Variants in SNTA1 observed in about 807,000 individuals in gnomAD.
SNTA1 encodes the protein alpha-1-syntrophin.
Under a neutral mutation model 47.1 loss-of-function variants are expected in SNTA1, and 31 were observed. The observed-to-expected ratio is 0.66, with a 90% CI of 0.49 to 0.89. The LOEUF (loss-of-function observed/expected upper bound fraction) is 0.89. SNTA1 is among the 40% of genes least tolerant of loss of function. SNTA1 has a pLI of 0.00. For missense variants in SNTA1, 575 were observed against 693.0 expected (o/e 0.83, Z 1.91); for synonymous variants, 300 against 313.6 (o/e 0.96, Z 0.46).
At chr20:33,431,672 C>T (rs1428978055) in intron 2 of SNTA1, among the ~76,000 whole-genome samples, 1 of 152,008 alleles carries the variant, frequency 6.6e-6, no homozygotes, top group East Asian at 1.9e-4. Flanking sequence ...TCGCTTGAAC[C>T]AGGGAGGTGG....
intron 5 of SNTA1, among the ~76,000 whole-genome samples, chr20:33,412,026 C>G (rs1384549166): frequency 6.6e-6 from 1 of 152,240 alleles, no homozygotes; most frequent in Non-Finnish European, 1.5e-5. Context: ...GAGGCAGAAA[C>G]TGTTGGGGTC....
chr20:33,424,974 G>A (rs780469371), intron 2 of SNTA1, among the ~76,000 whole-genome samples: 77 of 152,132 alleles, frequency 5.1e-4, no homozygotes, highest in Non-Finnish European at 8.5e-4. Context: ...AAATTAGCCA[G>A]AAGTGGTGGC....
Position 33,408,882 on chromosome 20 carries a change from G to T in SNTA1, c.1244C>A (p.Thr415Lys), listed in dbSNP as rs533902889. 4 of 1,613,758 alleles carry T rather than the reference G, an allele frequency of 2.5e-6. No individual in the cohort carries two copies. Among genetic ancestry groups the T allele is most frequent in the East Asian group, 2.2e-5 (1 of 44,874 alleles). ...CAGGCTGCAGGGACGCCCATTCCAC[G>T]TGCAGGCTGCAGGGAGGGCACATAG... ...EGVQEVSTAC[T>K]WNGRPCSLSV... Residue 415 changes from threonine (T) to lysine (K), a missense_variant, in exon 7 of 8, where the codon ACG becomes AAG. Physicochemically the swap from Thr to Lys is moderately conservative, Grantham distance 78. Transcript: ENST00000217381.
Position 33,408,786 on chromosome 20 carries a change from C to T in SNTA1, c.1340G>A (p.Arg447Gln), listed in dbSNP as rs752729935. Residue 447 changes from arginine (R) to glutamine (Q), a missense_variant, in exon 7 of 8, where the codon CGA (arginine) becomes CAA (glutamine). Coordinates refer to ENST00000217381, the MANE Select transcript of SNTA1 (RefSeq NM_003098.3). ...EPGAARAVLL[R>Q]QPFEKLQMSS... is the part of the protein sequence containing the mutation. Reference sequence around the variant, plus strand: ...CATCTGCAGCTTCTCGAAGGGCTGTCGCAGGAGCACAGCTCGGGCTGCACC... The same window carrying T: ...CATCTGCAGCTTCTCGAAGGGCTGTTGCAGGAGCACAGCTCGGGCTGCACC... 2.2e-5 allele frequency: 36 copies of T among 1,613,976 alleles called. No individual in the cohort carries two copies. The highest frequency in any genetic ancestry group is 6.7e-5 in the African/African-American group (5 of 74,940).
At chr20:33,435,316 G>A (rs938492457) in intron 2 of SNTA1, among the ~76,000 whole-genome samples, 2 of 151,084 alleles carry the variant, frequency 1.3e-5, no homozygotes, top group African/African-American at 4.9e-5. Context: ...AGTTTCTGTA[G>A]GCCAGGCATG....
rs770142548 is a variant in SNTA1 at position 33,410,101 on chromosome 20, A to G, written c.1237+34T>C. On this transcript the variant is annotated intron_variant, in intron 6 of 7. Transcript: ENST00000217381. ...TGCCCCTGGGGATAAGAGGCTTATT[A>G]CCAGAGGGACACTCCCAGATCCTCC... is the stretch of plus-strand genomic sequence containing the variant. 15 of 1,608,358 alleles carry G rather than the reference A, an allele frequency of 9.3e-6. No homozygotes were observed. In the East Asian group the frequency reaches 3.3e-4, roughly 36 times the overall value.
chr20:33,423,353 A>T (rs867458045), intron 2 of SNTA1, among the ~76,000 whole-genome samples: 1 of 152,172 alleles, frequency 6.6e-6, no homozygotes, highest in African/African-American at 2.4e-5. Context: ...TTTCTGCCTG[A>T]GTCACCCGAC....
At chr20:33,422,738 G>A (rs962560387) in intron 2 of SNTA1, among the ~76,000 whole-genome samples, 1 of 152,192 alleles carries the variant, frequency 6.6e-6, no homozygotes, top group Non-Finnish European at 1.5e-5. Context: ...GCTATAGTCA[G>A]CCTGGATAAC....
At chr20:33,429,754 T>C (rs1412997584) in intron 2 of SNTA1, among the ~76,000 whole-genome samples, 2 of 152,156 alleles carry the variant, frequency 1.3e-5, no homozygotes, top group Non-Finnish European at 1.5e-5. Flanking sequence ...GCTGGAATTA[T>C]AGGCATGAGC....
Position 33,414,454 on chromosome 20 carries a change from C to T in SNTA1, c.702-1672G>A, listed in dbSNP as rs539176312. ...CTAAAAACACAAAAAATTAGCCAGACGTCATGGCGGGCACCTGTGGTCCCA... is the reference window on the plus strand; with the variant it reads ...CTAAAAACACAAAAAATTAGCCAGATGTCATGGCGGGCACCTGTGGTCCCA... On this transcript the variant is annotated intron_variant, in intron 3 of 7. Transcript: ENST00000217381. Among the ~76,000 whole-genome samples the T allele has an allele frequency of 5.3e-5, 8 of 151,156 alleles. No homozygotes were observed. The East Asian group carries it at 5.9e-4, about 11-fold the overall frequency.
Position 33,425,199 on chromosome 20 carries a change from C to G in SNTA1, c.497-7276G>C, listed in dbSNP as rs530668115. Among the ~76,000 whole-genome samples, 3 of 151,970 alleles carry G rather than the reference C, an allele frequency of 2.0e-5. No homozygotes were observed. In the East Asian group the frequency reaches 5.8e-4, roughly 29 times the overall value. ...GGCTGAGATGGGAGGATCACTTGAG[C>G]CAGGGAGGTCAAGGCTGCTATGATC... On this transcript the variant is annotated intron_variant, in intron 2 of 7. Coordinates refer to ENST00000217381, the MANE Select transcript of SNTA1 (RefSeq NM_003098.3).
At chr20:33,429,780 C>T (rs925872888) in intron 2 of SNTA1, among the ~76,000 whole-genome samples, 1 of 151,236 alleles carries the variant, frequency 6.6e-6, no homozygotes, top group Admixed American at 6.6e-5. Context: ...ATTTTTTTTT[C>T]GAGACAGGGT....
Position 33,438,853 on chromosome 20 carries a change from C to A in SNTA1, c.484G>T (p.Val162Leu). Residue 162 changes from valine to leucine, a missense_variant, in exon 2 of 8, where the codon GTG (valine) becomes TTG (leucine). Val to Leu is a conservative substitution (Grantham distance 32). Coordinates refer to ENST00000217381, the MANE Select transcript of SNTA1 (RefSeq NM_003098.3). ...CGTCAGTGCTTACCCTCCAGCACCA[C>A]CTCCTTGCCTGTCTTCTTGAGGACC... ...VQVLKKTGKE[V>L]VLEVKYMKDV... 1 of 1,613,898 alleles carries A rather than the reference C, an allele frequency of 6.2e-7. No individual in the cohort carries two copies. The highest frequency in any genetic ancestry group is 1.1e-5 in the South Asian group (1 of 91,076).
chr20:33,424,855 G>A (rs932864880), intron 2 of SNTA1, among the ~76,000 whole-genome samples: 5 of 151,176 alleles, frequency 3.3e-5, no homozygotes, highest in African/African-American at 1.2e-4. Context: ...AGTGGCTCGT[G>A]CCTGTAATCC....
At chr20:33,410,525 G>A (rs146981593) in intron 5 of SNTA1, among the ~76,000 whole-genome samples, 194 bp from the exon 6 acceptor site, 26 of 152,324 alleles carry the variant, frequency 1.7e-4, no homozygotes, top group African/African-American at 6.3e-4. Context: ...CCTTGGCTCT[G>A]GCTATACTGG....
chr20:33,434,560 A>G (rs1006019596), intron 2 of SNTA1, among the ~76,000 whole-genome samples: 3 of 152,186 alleles, frequency 2.0e-5, no homozygotes, highest in African/African-American at 7.2e-5. Flanking sequence ...TCCTGGGATG[A>G]TACACATGTT....
At chr20:33,427,339 A>G (rs1292854704) in intron 2 of SNTA1, among the ~76,000 whole-genome samples, 1 of 152,112 alleles carries the variant, frequency 6.6e-6, no homozygotes, top group Non-Finnish European at 1.5e-5. Context: ...ATGGGCACTG[A>G]TATGTCAACC....
intron 2 of SNTA1, among the ~76,000 whole-genome samples, chr20:33,435,936 T>A (rs1990430197): frequency 6.6e-6 from 1 of 151,824 alleles, no homozygotes; most frequent in Non-Finnish European, 1.5e-5. Flanking sequence ...GGCTCACGCG[T>A]GTAATCCCAG....
At chr20:33,442,415 C>T (rs1422188149) in intron 1 of SNTA1, among the ~76,000 whole-genome samples, 1 of 152,160 alleles carries the variant, frequency 6.6e-6, no homozygotes, top group Non-Finnish European at 1.5e-5. Flanking sequence ...GTGAACCCAG[C>T]AGCTGGGGGT....
Sources: gnomAD v4.1 joint callset for allele counts (sites outside exome capture counted in the v4.1 genomes callset) on GRCh38, gnomAD v4.1.1 for gene constraint, MANE v1.5 for transcripts, NCBI Gene and HGNC (gene_info 2026-07-23, HGNC 2026-07-21) for gene names.